The following PDE8B variants were observed in gnomAD, a reference collection of about 807,000 sequenced individuals.
PDE8B encodes phosphodiesterase 8B.
A neutral mutation model predicts 101.3 loss-of-function variants in PDE8B; 26 were observed. That is an observed-to-expected ratio of 0.26 (90% CI 0.19 to 0.36). The LOEUF (loss-of-function observed/expected upper bound fraction) is 0.36, where lower values mean the gene tolerates loss of function less well. Among genes scored for constraint, PDE8B ranks in the 10% least tolerant of loss-of-function variants. PDE8B has a pLI of 1.00. For missense variants in PDE8B, 810 were observed against 1,163.1 expected, an observed-to-expected ratio of 0.70 and a Z score of 4.42; for synonymous variants, 424 against 429.3, an observed-to-expected ratio of 0.99 and a Z score of 0.15.
At chr5:77,333,917 A>C (rs1777614377) in intron 5 of PDE8B, among the ~76,000 whole-genome samples, 2 of 152,202 alleles carry the variant, frequency 1.3e-5, no homozygotes. Flanking sequence ...GTCAGGGACC[A>C]CCTGGTGTTC....
At chr5:77,296,645 C>A (rs967534451) in intron 1 of PDE8B, among the ~76,000 whole-genome samples, 1 of 152,098 alleles carries the variant, frequency 6.6e-6, no homozygotes, top group Non-Finnish European at 1.5e-5. Context: ...AATTTTTAAA[C>A]GTGTTGAATT....
the PDE8B span, among the ~76,000 whole-genome samples, chr5:77,188,476 C>T: frequency 6.6e-6 from 1 of 152,104 alleles, no homozygotes; most frequent in Admixed American, 6.5e-5. Context: ...GTAAGTTTTT[C>T]TGTTTAAGGA....
chr5:77,409,467 T>C lies in PDE8B; in HGVS notation c.1530+410T>C, dbSNP rs899619909. On this transcript the variant is annotated intron_variant, in intron 14 of 21. Coordinates refer to ENST00000264917, the MANE Select transcript of PDE8B (RefSeq NM_003719.5). ...AATGAAAGGGTTTATTGTTAGACTA[T>C]AGCATTTAATCTTAACTATAGAATC... Among the ~76,000 whole-genome samples the C allele has an allele frequency of 4.6e-5, 7 of 152,198 alleles. No individual in the cohort carries two copies. In the South Asian group the frequency reaches 6.2e-4, roughly 13 times the overall value.
intron 21 of PDE8B, 96 bp downstream of exon 21, chr5:77,425,992 A>G (rs1561706648): frequency 2.3e-6 from 3 of 1,288,168 alleles, no homozygotes; most frequent in Non-Finnish European, 2.2e-6. Context: ...TAAACAAAAT[A>G]TATTTTTAAA....
chr5:77,360,645 C>T (rs1188685540), intron 10 of PDE8B, among the ~76,000 whole-genome samples: 1 of 152,210 alleles, frequency 6.6e-6, no homozygotes, highest in Admixed American at 6.5e-5. Context: ...CTTGCATCTG[C>T]TCTTGCTAGA....
intron 1 of PDE8B, among the ~76,000 whole-genome samples, chr5:77,217,384 T>C (rs77210067): frequency 0.04 from 6,129 of 152,246 alleles, 166 homozygotes; most frequent in African/African-American, 0.081. Context: ...AGGATTTTGC[T>C]ATGTGCTTGT....
the PDE8B span, among the ~76,000 whole-genome samples, chr5:77,124,417 T>A: frequency 6.6e-6 from 1 of 151,874 alleles, no homozygotes; most frequent in Admixed American, 6.6e-5. Context: ...TGAAAATCCA[T>A]CTCTACACAA....
chr5:77,308,113 G>A (rs765458939), intron 1 of PDE8B, among the ~76,000 whole-genome samples: 1 of 152,224 alleles, frequency 6.6e-6, no homozygotes, highest in Non-Finnish European at 1.5e-5. Flanking sequence ...ACTGCCGTCT[G>A]TGAATACACC....
chr5:77,176,917 C>T, the PDE8B span, among the ~76,000 whole-genome samples: 9 of 152,204 alleles, frequency 5.9e-5, no homozygotes, highest in East Asian at 9.6e-4. Context: ...TTTTAGATAC[C>T]CCAGCCCCAC....
chr5:77,199,997 T>A, the PDE8B span, among the ~76,000 whole-genome samples: 39 of 151,912 alleles, frequency 2.6e-4, no homozygotes, highest in African/African-American at 9.2e-4. Context: ...ATAATGGGAC[T>A]TTTGTCTTCT....
chr5:77,113,250 A>G, the PDE8B span: 1 of 152,060 alleles, frequency 6.6e-6, no homozygotes, highest in Admixed American at 6.6e-5. Flanking sequence ...TGGAGGCATC[A>G]TGCTACCTGA....
rs1279227497 is a variant in PDE8B, at chr5:77,290,262, G to A, written c.340-21732G>A. 1.9e-6 allele frequency: 3 copies of A among 1,557,600 alleles called. No homozygotes were observed. The African/African-American group carries it at 4.1e-5, about 21-fold the overall frequency. ...CCTTGGACCTTGGAGCAGGCCTGCT[G>A]CCTTCATGTCCACTCTCCTCATCAA... On this transcript the variant is annotated intron_variant, in intron 1 of 21. Transcript: ENST00000264917.
chr5:77,232,869 G>A (rs1441079161), intron 1 of PDE8B, among the ~76,000 whole-genome samples: 1 of 152,152 alleles, frequency 6.6e-6, no homozygotes, highest in Non-Finnish European at 1.5e-5. Context: ...TTGTAATCCA[G>A]GGTTAACAAA....
the PDE8B span, among the ~76,000 whole-genome samples, chr5:77,089,585 T>G: frequency 6.6e-6 from 1 of 152,214 alleles, no homozygotes; most frequent in Non-Finnish European, 1.5e-5. Flanking sequence ...TTCAAAGGGA[T>G]AATTTTGCAA....
the PDE8B span, among the ~76,000 whole-genome samples, chr5:77,180,967 CGTGTGTGTGTGTGTGTGT>C: frequency 6.8e-6 from 1 of 147,636 alleles, no homozygotes; most frequent in Non-Finnish European, 1.5e-5. Flanking sequence ...GGTGTGTACA[CGTGTGTGTGTGTGTGTGT>C]GTGTGTGTGT....
rs140231664 is a variant in PDE8B, at chr5:77,393,103, G to A, written c.1168-7145G>A. ...GGCAAATAATAAAAACTCAAGAACA[G>A]TATTTCAGGTCCAGTTACAGTGGCT... On this transcript the variant is annotated intron_variant, in intron 10 of 21. Coordinates refer to ENST00000264917, the MANE Select transcript of PDE8B (RefSeq NM_003719.5). 1.8e-3 allele frequency among the ~76,000 whole-genome samples: 268 copies of A among 152,222 alleles called. 3 individuals are homozygous for A. Among genetic ancestry groups the A allele is most frequent in the African/African-American group, 6.3e-3 (260 of 41,550 alleles).
chr5:77,378,060 T>G (rs1484854849), intron 10 of PDE8B, among the ~76,000 whole-genome samples: 1 of 141,368 alleles, frequency 7.1e-6, no homozygotes, highest in East Asian at 2.0e-4. Flanking sequence ...CCCCTGTTGG[T>G]TCTTTGTCTA....
chr5:77,231,205 C>A (rs560898946), intron 1 of PDE8B, among the ~76,000 whole-genome samples: 1 of 152,070 alleles, frequency 6.6e-6, no homozygotes, highest in Non-Finnish European at 1.5e-5. Flanking sequence ...TTTTGGAATG[C>A]GTTTTTTACC....
In PDE8B at chr5:77,211,016, A is replaced by G. The variant is rs757479428; in HGVS notation, c.91A>G (p.Ser31Gly). The change falls in exon 1 of 22, where the codon AGC becomes GGC. Residue 31 changes from serine to glycine, a missense_variant. Ser to Gly is a moderately conservative substitution (Grantham distance 56, BLOSUM62 0). Around this residue, in one of 4 missense-constraint regions of PDE8B, gnomAD observed 159 missense variants for 146.6 expected, o/e 1.08. Transcript: ENST00000264917. The surrounding 1 kb of genome is among the most constrained non-coding windows in gnomAD (Gnocchi z 4.1). ...DESSSPRQTT[S>G]VSQGPAAPLP... ...GTCCAGCTCGCCCCGCCAGACCACCAGCGTGTCGCAGGGCCCGGCGGCACC... is the reference window on the plus strand; with the variant it reads ...GTCCAGCTCGCCCCGCCAGACCACCGGCGTGTCGCAGGGCCCGGCGGCACC... The G allele has an allele frequency of 1.1e-5, 17 of 1,548,000 alleles. No individual in the cohort carries two copies. In the Admixed American group the frequency reaches 2.0e-4, roughly 18 times the overall value.
Sources: allele counts gnomAD v4.1 joint callset (sites outside exome capture counted in the v4.1 genomes callset), GRCh38; gene constraint gnomAD v4.1.1; regional missense constraint gnomAD v4.1.1; non-coding constraint Gnocchi (gnomAD v3.1); transcripts MANE v1.5; gene names NCBI Gene and HGNC (gene_info 2026-07-23, HGNC 2026-07-21).